Variants in IMPG2 observed in about 807,000 individuals in gnomAD.
The protein encoded by IMPG2 is interphotoreceptor matrix proteoglycan 2.
Under a neutral mutation model 129.2 loss-of-function variants are expected in IMPG2, and 91 were observed. The observed-to-expected ratio is 0.70, with a 90% CI of 0.59 to 0.84. The LOEUF (loss-of-function observed/expected upper bound fraction) is 0.84. IMPG2 is among the 40% of genes least tolerant of loss of function. The probability of loss-of-function intolerance (pLI) is 0.00; values close to 1 mark genes in which losing one functional copy is unlikely to be tolerated. For synonymous variants in IMPG2, 510 were observed against 517.7 expected (o/e 0.99, Z 0.20); for missense variants, 1,430 against 1,461.7 (o/e 0.98, Z 0.35).
At chr3:101,280,189 A>G (rs1451826072) in intron 4 of IMPG2, among the ~76,000 whole-genome samples, 2 of 152,214 alleles carry the variant, frequency 1.3e-5, no homozygotes, top group African/African-American at 4.8e-5. Flanking sequence ...AATCATGTCA[A>G]TGGAATTCAG....
intron 10 of IMPG2, 52 bp downstream of exon 10, chr3:101,257,477 G>T: frequency 6.2e-7 from 1 of 1,602,512 alleles, no homozygotes; most frequent in Non-Finnish European, 8.5e-7. Flanking sequence ...TTACACCAGA[G>T]CATACTGGAA....
intron 11 of IMPG2, among the ~76,000 whole-genome samples, chr3:101,246,692 T>A (rs537122227): frequency 6.6e-6 from 1 of 152,332 alleles, no homozygotes; most frequent in South Asian, 2.1e-4. Context: ...CTAGTGATGT[T>A]TTACTAATGT....
At chr3:101,314,845 T>C (rs954316246) in intron 2 of IMPG2, among the ~76,000 whole-genome samples, 1 of 152,124 alleles carries the variant, frequency 6.6e-6, no homozygotes, top group Admixed American at 6.6e-5. Flanking sequence ...AGACTCAATA[T>C]AGGTTGAACA....
At chr3:101,230,931 A>G in intron 16 of IMPG2, 26 bp downstream of exon 16, 1 of 1,593,626 alleles carries the variant, frequency 6.3e-7, no homozygotes, top group Non-Finnish European at 8.6e-7. Context: ...ATTGTATTCC[A>G]TTAGAGAGCT....
chr3:101,316,310 T>C (rs1485010791), intron 2 of IMPG2, among the ~76,000 whole-genome samples: 1 of 151,808 alleles, frequency 6.6e-6, no homozygotes, highest in Non-Finnish European at 1.5e-5. Context: ...ATCAAGAAAA[T>C]AGAAAAGGCA....
chr3:101,267,470 C>G (rs1396754503), intron 9 of IMPG2, 41 bp downstream of exon 9: 4 of 1,571,900 alleles, frequency 2.5e-6, no homozygotes, highest in Non-Finnish European at 3.5e-6. Context: ...ACTAAACTGT[C>G]TCCCAATTCA....
At chr3:101,296,324 T>G (rs543638141) in intron 3 of IMPG2, among the ~76,000 whole-genome samples, 20 of 152,350 alleles carry the variant, frequency 1.3e-4, no homozygotes, top group African/African-American at 4.8e-4. Flanking sequence ...GAGATGATCA[T>G]GTGGTTTTTG....
Position 101,226,745 on chromosome 3 carries a change from A to T in IMPG2, c.*224T>A. The stretch of plus-strand genomic sequence containing the variant: ...CCAGAGTTTACGTAGTTTTCAATTT[A>T]TTTAAACACAGCATTCAGTCTTTAT... On this transcript the variant is annotated 3_prime_UTR_variant, in exon 19 of 19. Transcript: ENST00000193391. The T allele has an allele frequency of 1.9e-6, 1 of 538,928 alleles. No homozygotes were observed. 33.4% of individuals were successfully genotyped at this position (538,928 alleles called of 1,614,324 possible). A position where few individuals can be genotyped will look rare whatever the true frequency, so the allele number is the denominator to read the frequency against.
At chr3:101,313,902 A>C in intron 2 of IMPG2, among the ~76,000 whole-genome samples, 1 of 152,142 alleles carries the variant, frequency 6.6e-6, no homozygotes, top group African/African-American at 2.4e-5. Context: ...GCAGGATAAA[A>C]GGCCAATATA....
intron 14 of IMPG2, among the ~76,000 whole-genome samples, chr3:101,234,502 C>G (rs1706325118): frequency 6.6e-6 from 1 of 151,982 alleles, no homozygotes; most frequent in Non-Finnish European, 1.5e-5. Context: ...TACAGCAGCC[C>G]TAGGAAACTA....
intron 11 of IMPG2, among the ~76,000 whole-genome samples, chr3:101,250,868 C>T (rs368382048): frequency 1.3e-5 from 2 of 152,138 alleles, no homozygotes; most frequent in African/African-American, 4.8e-5. Context: ...TTCCAGCCTT[C>T]CCCTTTATTT....
intron 10 of IMPG2, among the ~76,000 whole-genome samples, chr3:101,255,404 A>T (rs373992470): frequency 6.6e-6 from 1 of 152,148 alleles, no homozygotes; most frequent in African/African-American, 2.4e-5. Context: ...GGATACCTTT[A>T]TGAAAGTAGC....
chr3:101,319,578 G>A lies in IMPG2; in HGVS notation c.334+6C>T, dbSNP rs1176642195. On this transcript the variant is annotated splice_donor_region_variant and intron_variant, in intron 2 of 18. Transcript: ENST00000193391. Reference sequence around the variant, plus strand: ...ATGGAGCTGAAGGATTTGGATGTTCGCTTACCTCGGACTTTAAAATACTTC... The same window carrying A: ...ATGGAGCTGAAGGATTTGGATGTTCACTTACCTCGGACTTTAAAATACTTC... 25 of 1,612,940 alleles carry A rather than the reference G, an allele frequency of 1.5e-5. No homozygotes were observed. Among genetic ancestry groups the A allele is most frequent in the East Asian group, 2.2e-5 (1 of 44,870 alleles).
In IMPG2 at chr3:101,223,729, GAAAAGAATAAAAA is replaced by G. The variant is rs1250632541; in HGVS notation, c.*3227_*3239del. 1.3e-5 allele frequency: 2 copies of G among 152,162 alleles called. No individual in the cohort carries two copies. 9.4% of individuals were successfully genotyped at this position (152,162 alleles called of 1,614,324 possible). The stretch of plus-strand genomic sequence containing the variant: ...ACAATTTAGTGTGGCAAAAAAGAGA[GAAAAGAATAAAAA>G]AGAGAAAGTGGGGAGGAGCCAACCC... On this transcript the variant is annotated 3_prime_UTR_variant, in exon 19 of 19. Transcript: ENST00000193391.
chr3:101,315,766 C>A (rs898998219), intron 2 of IMPG2, among the ~76,000 whole-genome samples: 1 of 151,720 alleles, frequency 6.6e-6, no homozygotes, highest in African/African-American at 2.4e-5. Context: ...TTCAGCAGCC[C>A]TTTTGTAAAA....
At chr3:101,280,629 CAG>C (rs1329946434) in intron 4 of IMPG2, among the ~76,000 whole-genome samples, 1 of 152,038 alleles carries the variant, frequency 6.6e-6, no homozygotes, top group East Asian at 1.9e-4. Context: ...TCATCCCAAA[CAG>C]AATAAAACAT....
intron 4 of IMPG2, among the ~76,000 whole-genome samples, chr3:101,290,933 G>A (rs774280692): frequency 9.9e-5 from 15 of 152,080 alleles, no homozygotes; most frequent in Non-Finnish European, 1.9e-4. Context: ...GAAAGCTTTA[G>A]CCCCTGTAGG....
At chr3:101,244,816 C>A (rs1706458473) in intron 12 of IMPG2, 29 bp from the exon 13 acceptor site, 2 of 1,595,630 alleles carry the variant, frequency 1.3e-6, no homozygotes, top group African/African-American at 1.3e-5. Flanking sequence ...ATTAATTAAT[C>A]TACAGAGTTG....
rs1340000279 is a variant in IMPG2, at chr3:101,250,831, A to G, written c.1239+2865T>C. The stretch of plus-strand genomic sequence containing the variant: ...TATTCAAATACCTGCTCTATGGAAT[A>G]TGGAGCCTATTTACATAGAAAAAAC... On this transcript the variant is annotated intron_variant, in intron 11 of 18. Coordinates refer to ENST00000193391, the MANE Select transcript of IMPG2 (RefSeq NM_016247.4). 2.6e-5 allele frequency among the ~76,000 whole-genome samples: 4 copies of G among 152,194 alleles called. No individual in the cohort carries two copies. In the East Asian group the frequency reaches 7.7e-4, roughly 29 times the overall value.
Sources: gnomAD v4.1 joint callset for allele counts (sites outside exome capture counted in the v4.1 genomes callset) on GRCh38, gnomAD v4.1.1 for gene constraint, MANE v1.5 for transcripts, NCBI Gene and HGNC (gene_info 2026-07-23, HGNC 2026-07-21) for gene names.